Variants in PLTP observed in about 807,000 individuals in gnomAD.
PLTP encodes BPI fold containing family E.
A neutral mutation model predicts 54.1 loss-of-function variants in PLTP; 43 were observed. That is an observed-to-expected ratio of 0.79 (90% confidence interval 0.62 to 1.02). The LOEUF is 1.02. Among genes scored for constraint, PLTP ranks in the 50% least tolerant of loss-of-function variants. The pLI is 0.00. For missense variants in PLTP, 604 were observed against 645.9 expected, an observed-to-expected ratio of 0.94 and a Z score of 0.70; for synonymous variants, 263 against 264.6, an observed-to-expected ratio of 0.99 and a Z score of 0.06.
intron 4 of PLTP, 96 bp downstream of exon 4, chr20:45,909,844 CGG>C: frequency 6.6e-7 from 1 of 1,516,512 alleles, no homozygotes; most frequent in East Asian, 2.3e-5. Flanking sequence ...GATGAAGAAA[CGG>C]AAACTCAGGA....
At chr20:45,902,204 A>G in intron 12 of PLTP, 63 bp downstream of exon 12, 2 of 1,547,894 alleles carry the variant, frequency 1.3e-6, no homozygotes, top group South Asian at 1.1e-5. Context: ...TAAGCGCAAC[A>G]TCCCTGTGGA....
intron 5 of PLTP, 46 bp from the exon 6 acceptor site, chr20:45,907,950 C>T: frequency 6.6e-7 from 1 of 1,504,718 alleles, no homozygotes; most frequent in Non-Finnish European, 9.1e-7. Context: ...CTGCCTCCAC[C>T]CCAGTCCAGG....
At position 45,907,829 on chromosome 20, in the gene PLTP, C is replaced by G; in HGVS notation, c.549+12G>C. On this transcript the variant is annotated intron_variant, in intron 6 of 15. Transcript: ENST00000372431. Reference sequence around the variant, plus strand: ...CCACCCTTGCCACCCTGCGACCTGTCGCTGCCCACACCTGCTGGTTGAGGA... The same window carrying G: ...CCACCCTTGCCACCCTGCGACCTGTGGCTGCCCACACCTGCTGGTTGAGGA... The G allele has an allele frequency of 6.2e-7, 1 of 1,603,752 alleles. No individual in the cohort carries two copies.
chr20:45,908,521 C>T (rs555529536), intron 5 of PLTP, among the ~76,000 whole-genome samples: 28 of 152,212 alleles, frequency 1.8e-4, no homozygotes, highest in African/African-American at 5.8e-4. Context: ...AAAAATAGGC[C>T]GGGCACAGTT....
rs777107208 is a variant in PLTP at position 45,909,676 on chromosome 20, CA to C, written c.330-6del. On this transcript the variant is annotated splice_region_variant and splice_polypyrimidine_tract_variant and intron_variant, in intron 4 of 15. Coordinates refer to ENST00000372431, the MANE Select transcript of PLTP (RefSeq NM_006227.4). ...TTGATGTAGCCCCCATCATAGCTGCCAGGGGGGTTAATATTCACTCCAGGTA... is the reference window on the plus strand; with the variant it reads ...TTGATGTAGCCCCCATCATAGCTGCCGGGGGGTTAATATTCACTCCAGGTA... The C allele has an allele frequency of 7.4e-6, 12 of 1,613,960 alleles. No homozygotes were observed. The East Asian group carries it at 1.3e-4, about 18-fold the overall frequency.
At position 45,907,066 on chromosome 20, in the gene PLTP, T is replaced by C. The variant is rs139943611; in HGVS notation, c.613+626A>G. 3.0e-3 allele frequency among the ~76,000 whole-genome samples: 373 copies of C among 125,124 alleles called. 70 individuals are homozygous for C. Among genetic ancestry groups the C allele is most frequent in the East Asian group, 7.7e-3 (39 of 5,078 alleles). The allele number at this position is 125,124 out of a possible 152,430, so 82.1% of individuals were successfully genotyped here. A position where few individuals can be genotyped will look rare whatever the true frequency, so the allele number is the denominator to read the frequency against. On this transcript the variant is annotated intron_variant, in intron 7 of 15. Transcript: ENST00000372431. ...ATTCATGGCCAGGCACAGTGGCTCA[T>C]GCCTATAATCCCAGCACTTTGGGAG...
At chr20:45,899,790 A>AG in intron 13 of PLTP, 46 bp downstream of exon 13, 2 of 1,568,258 alleles carry the variant, frequency 1.3e-6, no homozygotes, top group Non-Finnish European at 1.7e-6. Flanking sequence ...GGTGAGGGTC[A>AG]GGATCTCACG....
intron 1 of PLTP, 191 bp from the exon 2 acceptor site, chr20:45,911,654 T>G: frequency 1.4e-6 from 1 of 725,770 alleles, no homozygotes; most frequent in Middle Eastern, 3.0e-4. Flanking sequence ...CGACTTGCGT[T>G]CTGGCTCCCA....
chr20:45,903,255 AG>A (rs1194883119), intron 10 of PLTP, among the ~76,000 whole-genome samples: 3 of 152,098 alleles, frequency 2.0e-5, no homozygotes, highest in African/African-American at 7.2e-5. Context: ...GCTGGAGTGC[AG>A]TGGCATGATC....
chr20:45,907,821 C>G lies in PLTP; in HGVS notation c.549+20G>C. ...GAGCATGCCCACCCTTGCCACCCTG[C>G]GACCTGTCGCTGCCCACACCTGCTG... On this transcript the variant is annotated intron_variant, in intron 6 of 15. Coordinates refer to ENST00000372431, the MANE Select transcript of PLTP (RefSeq NM_006227.4). The G allele has an allele frequency of 6.2e-7, 1 of 1,604,614 alleles. No homozygotes were observed.
chr20:45,911,172 G>A lies in PLTP; in HGVS notation c.180C>T (p.His60=). The A allele has an allele frequency of 6.2e-7, 1 of 1,613,972 alleles. No homozygotes were observed. The highest frequency in any genetic ancestry group is 8.5e-7 in the Non-Finnish European group (1 of 1,179,838). ...TIPDLRGKEG[H]FYYNISEVKV... is the part of the protein sequence containing the mutation. Reference sequence around the variant, plus strand: ...CTTACTCAGAGATGTTGTAGTAGAAGTGGCCTTCTTTGCCCCGCAGGTCCG... The same window carrying A: ...CTTACTCAGAGATGTTGTAGTAGAAATGGCCTTCTTTGCCCCGCAGGTCCG... The change falls in exon 3 of 16, where the codon CAC becomes CAT. Residue 60 remains histidine (H), a synonymous_variant. Coordinates refer to ENST00000372431, the MANE Select transcript of PLTP (RefSeq NM_006227.4).
intron 12 of PLTP, among the ~76,000 whole-genome samples, chr20:45,901,039 T>C (rs1423236035): frequency 6.6e-6 from 1 of 152,166 alleles, no homozygotes; most frequent in Non-Finnish European, 1.5e-5. Context: ...GGTCCTAACC[T>C]ACATTATCTC....
intron 10 of PLTP, 82 bp from the exon 11 acceptor site, chr20:45,902,686 T>A: frequency 7.1e-7 from 1 of 1,417,152 alleles, no homozygotes. Context: ...GGAAGGCAGG[T>A]GCAGCTTCTG....
At chr20:45,899,595 TCCTC>T in intron 14 of PLTP, 23 bp downstream of exon 14, 2 of 1,613,954 alleles carry the variant, frequency 1.2e-6, no homozygotes, top group African/African-American at 1.3e-5. Flanking sequence ...CCTCCTTTCT[TCCTC>T]CATCCTCACA....
rs1431684147 is a variant in PLTP at position 45,898,891 on chromosome 20, G to A, written c.*50C>T. On this transcript the variant is annotated 3_prime_UTR_variant, in exon 16 of 16. Coordinates refer to ENST00000372431, the MANE Select transcript of PLTP (RefSeq NM_006227.4). This position sits in a 1 kb window ranked among gnomAD's most constrained non-coding sequence, Gnocchi z 4.6. ...CTATGAATGTGGGAAAAGAGGGGCT[G>A]AGAGGGGTTGGGGTCCTGAATGACA... 1 of 1,603,410 alleles carries A rather than the reference G, an allele frequency of 6.2e-7. No homozygotes were observed. Among genetic ancestry groups the A allele is most frequent in the Non-Finnish European group, 8.5e-7 (1 of 1,173,254 alleles).
In PLTP at chr20:45,909,505, C is replaced by G. The variant is rs774065893; in HGVS notation, c.485+11G>C. Reference sequence around the variant, plus strand: ...CGAAAAGGGTGAGCTGGGGTTGGGGCTGGGGCTTACTTGAAGGTTCCCCCG... The same window carrying G: ...CGAAAAGGGTGAGCTGGGGTTGGGGGTGGGGCTTACTTGAAGGTTCCCCCG... On this transcript the variant is annotated intron_variant, in intron 5 of 15. Transcript: ENST00000372431. The G allele has an allele frequency of 6.2e-7, 1 of 1,613,780 alleles. No individual in the cohort carries two copies. Among genetic ancestry groups the G allele is most frequent in the African/African-American group, 1.3e-5 (1 of 74,916 alleles).
At chr20:45,907,617 G>T in intron 7 of PLTP, 75 bp downstream of exon 7, 1 of 1,388,560 alleles carries the variant, frequency 7.2e-7, no homozygotes, top group Non-Finnish European at 1.0e-6. Flanking sequence ...CTGTTCAACA[G>T]CAGGGCTCGG....
intron 7 of PLTP, 48 bp downstream of exon 7, chr20:45,907,644 G>T: frequency 6.5e-7 from 1 of 1,546,634 alleles, no homozygotes. Context: ...CCTGCTCTGA[G>T]GTGCTGCATG....
chr20:45,905,931 T>C (rs182218311), intron 8 of PLTP, among the ~76,000 whole-genome samples: 1 of 152,290 alleles, frequency 6.6e-6, no homozygotes, highest in East Asian at 1.9e-4. Flanking sequence ...TGAGATTATT[T>C]GTATAGAAAT....
Sources: allele counts gnomAD v4.1 joint callset (sites outside exome capture counted in the v4.1 genomes callset), GRCh38; gene constraint gnomAD v4.1.1; non-coding constraint Gnocchi (gnomAD v3.1); transcripts MANE v1.5; gene names NCBI Gene and HGNC (gene_info 2026-07-23, HGNC 2026-07-21).